CTXND1: variants seen among roughly 807,000 people sequenced by gnomAD.
CTXND1 encodes the protein cortexin domain-containing 1 protein.
rs531783974 is a variant in CTXND1 at position 80,213,652 on chromosome 15, A to G, written c.-217-9912T>C. On this transcript the variant is annotated intron_variant, in intron 1 of 2. Coordinates refer to ENST00000560778, the MANE Select transcript of CTXND1 (RefSeq NM_001352888.2). ...GGATAAGAAAAATCTAAAGACGTAA[A>G]GAGAAAGAAACAACAGGTTATCCAC... 6.6e-5 allele frequency among the ~76,000 whole-genome samples: 10 copies of G among 152,330 alleles called. No homozygotes were observed. The South Asian group carries it at 1.5e-3, about 22-fold the overall frequency.
chr15:80,224,447 C>T (rs185544745), intron 1 of CTXND1, among the ~76,000 whole-genome samples: 1 of 152,296 alleles, frequency 6.6e-6, no homozygotes, highest in East Asian at 1.9e-4. Context: ...TCAACAACAC[C>T]ACACTTTCTT....
At chr15:80,235,677 C>T (rs1038355128) in intron 1 of CTXND1, among the ~76,000 whole-genome samples, 6 of 152,014 alleles carry the variant, frequency 3.9e-5, no homozygotes, top group Non-Finnish European at 5.9e-5. Flanking sequence ...AAGTTCTTAT[C>T]GTGTAGTTCT....
At chr15:80,210,464 T>A (rs781141785) in intron 1 of CTXND1, among the ~76,000 whole-genome samples, 6 of 152,190 alleles carry the variant, frequency 3.9e-5, no homozygotes, top group Admixed American at 6.5e-5. Context: ...TTGGCATGGG[T>A]AGGAAGAGAG....
chr15:80,211,825 C>T (rs898641022), intron 1 of CTXND1, among the ~76,000 whole-genome samples: 1 of 152,158 alleles, frequency 6.6e-6, no homozygotes, highest in Non-Finnish European at 1.5e-5. Context: ...AATTATGTTA[C>T]GATAATGCTG....
At chr15:80,218,990 G>A (rs1034217635) in intron 1 of CTXND1, among the ~76,000 whole-genome samples, 1 of 146,640 alleles carries the variant, frequency 6.8e-6, no homozygotes, top group Non-Finnish European at 1.5e-5. Flanking sequence ...GGGGTGCAGT[G>A]GTGTCATCAT....
chr15:80,232,779 A>G (rs574052852), intron 1 of CTXND1, among the ~76,000 whole-genome samples: 1 of 152,248 alleles, frequency 6.6e-6, no homozygotes, highest in Admixed American at 6.5e-5. Flanking sequence ...ATGATTTCCC[A>G]TCACCATAGT....
At chr15:80,236,778 G>A (rs1262008634) in intron 1 of CTXND1, among the ~76,000 whole-genome samples, 2 of 101,806 alleles carry the variant, frequency 2.0e-5, no homozygotes, top group Non-Finnish European at 2.0e-5. Context: ...ACAGGACTCG[G>A]TCTAAAAAAA....
At position 80,205,475 on chromosome 15, in the gene CTXND1, G is replaced by A. The variant is rs143752424; in HGVS notation, c.-217-1735C>T. ...TTGGCAAAGGTTGTGAGGGATGGTTGTCCTACAGTTGAAACCAGCCCAGTT... is the reference window on the plus strand; with the variant it reads ...TTGGCAAAGGTTGTGAGGGATGGTTATCCTACAGTTGAAACCAGCCCAGTT... On this transcript the variant is annotated intron_variant, in intron 1 of 2. Transcript: ENST00000560778. Among the ~76,000 whole-genome samples the A allele has an allele frequency of 1.0e-3, 152 of 152,270 alleles. 1 individual carries two copies. Among genetic ancestry groups the A allele is most frequent in the African/African-American group, 3.5e-3 (146 of 41,550 alleles).
rs141321513 is a variant in CTXND1, at chr15:80,213,145, G to A, written c.-217-9405C>T. ...CTTGTCTTCCAGGTCCACAGATGGA[G>A]AGGAATTTTGTCCCAGGGTGGATCA... is the stretch of plus-strand genomic sequence containing the variant. On this transcript the variant is annotated intron_variant, in intron 1 of 2. Coordinates refer to ENST00000560778, the MANE Select transcript of CTXND1 (RefSeq NM_001352888.2). Among the ~76,000 whole-genome samples the A allele has an allele frequency of 3.3e-5, 5 of 152,352 alleles. No individual in the cohort carries two copies. In the East Asian group the frequency reaches 9.6e-4, roughly 29 times the overall value.
In CTXND1 at chr15:80,205,814, A is replaced by G. The variant is rs117706273; in HGVS notation, c.-217-2074T>C. On this transcript the variant is annotated intron_variant, in intron 1 of 2. Coordinates refer to ENST00000560778, the MANE Select transcript of CTXND1 (RefSeq NM_001352888.2). ...CTCTCTCATTCTCCCAGTTGACATC[A>G]TGAGAATAAAAAGCCTTTTTCCCTG... Among the ~76,000 whole-genome samples, 89 of 152,308 alleles carry G rather than the reference A, an allele frequency of 5.8e-4. No homozygotes were observed. In the East Asian group the frequency reaches 0.012, roughly 20 times the overall value.
chr15:80,233,172 C>A (rs1459936344), intron 1 of CTXND1, among the ~76,000 whole-genome samples: 1 of 152,030 alleles, frequency 6.6e-6, no homozygotes, highest in Non-Finnish European at 1.5e-5. Flanking sequence ...AACTCCTGAC[C>A]TTGTGATCCA....
intron 1 of CTXND1, among the ~76,000 whole-genome samples, chr15:80,213,639 T>C (rs1008819063): frequency 4.6e-5 from 7 of 151,868 alleles, no homozygotes; most frequent in Non-Finnish European, 7.4e-5. Context: ...ATAAGAAAAA[T>C]CTAAAGACGT....
chr15:80,244,585 G>T (rs528584135), intron 1 of CTXND1, among the ~76,000 whole-genome samples: 98 of 152,334 alleles, frequency 6.4e-4, no homozygotes, highest in Non-Finnish European at 1.0e-3. Context: ...CACCAGAGTG[G>T]TGCAGGGTGA....
intron 1 of CTXND1, among the ~76,000 whole-genome samples, chr15:80,220,146 C>CATCT (rs1555444755): frequency 1.3e-3 from 133 of 105,438 alleles, no homozygotes; most frequent in Admixed American, 2.6e-3. Flanking sequence ...ATCTATCTAT[C>CATCT]ATCTATCTAT....
At position 80,224,200 on chromosome 15, in the gene CTXND1, TGAA is replaced by T. The variant is rs151000128; in HGVS notation, c.-217-20463_-217-20461del. Among the ~76,000 whole-genome samples, 158 of 152,268 alleles carry T rather than the reference TGAA, an allele frequency of 1.0e-3. 1 individual carries two copies. The highest frequency in any genetic ancestry group is 3.8e-3 in the African/African-American group (156 of 41,566). On this transcript the variant is annotated intron_variant, in intron 1 of 2. Coordinates refer to ENST00000560778, the MANE Select transcript of CTXND1 (RefSeq NM_001352888.2). The stretch of plus-strand genomic sequence containing the variant: ...CCAGCTCAGGTGCCAGATATGCAAG[TGAA>T]GAAGACTTTCAGAAGACCCCAGCCC...
chr15:80,209,839 C>T (rs998479851), intron 1 of CTXND1, among the ~76,000 whole-genome samples: 24 of 152,196 alleles, frequency 1.6e-4, no homozygotes, highest in Non-Finnish European at 1.8e-4. Flanking sequence ...AATCTCACCC[C>T]GTTCTCTGTT....
rs2041434121 is a variant in CTXND1, at chr15:80,198,847, C to T, written c.*2923G>A. On this transcript the variant is annotated 3_prime_UTR_variant, in exon 3 of 3. Transcript: ENST00000560778. ...AGGAGTCTACATAATTATATATGTG[C>T]ACTAGATGTCATGTTTTATGGCCAT... 6.6e-6 allele frequency: 1 copy of T among 152,036 alleles called. No homozygotes were observed. Among genetic ancestry groups the T allele is most frequent in the Non-Finnish European group, 1.5e-5 (1 of 68,016 alleles). 9.4% of individuals were successfully genotyped at this position (152,036 alleles called of 1,614,324 possible).
At chr15:80,240,203 G>A (rs1277383208) in intron 1 of CTXND1, among the ~76,000 whole-genome samples, 1 of 152,178 alleles carries the variant, frequency 6.6e-6, no homozygotes, top group Non-Finnish European at 1.5e-5. Context: ...GACCTCAGGT[G>A]ATCCGCCTGC....
At chr15:80,240,415 GA>G (rs1440601185) in intron 1 of CTXND1, among the ~76,000 whole-genome samples, 1 of 152,132 alleles carries the variant, frequency 6.6e-6, no homozygotes, top group Non-Finnish European at 1.5e-5. Context: ...TCCCAGATTG[GA>G]ACATGGCGTA....
Sources: gnomAD v4.1 joint callset for allele counts (sites outside exome capture counted in the v4.1 genomes callset) on GRCh38, gnomAD v4.1.1 for gene constraint, MANE v1.5 for transcripts, NCBI Gene and HGNC (gene_info 2026-07-23, HGNC 2026-07-21) for gene names.